SKA3: variants seen among roughly 807,000 people sequenced by gnomAD.
The protein encoded by SKA3 is spindle and kinetochore associated complex subunit 3.
SKA3 carries 39 observed loss-of-function variants against 44.2 expected under a neutral mutation model. That is an observed-to-expected ratio of 0.88 (90% confidence interval 0.68 to 1.15). The LOEUF (loss-of-function observed/expected upper bound fraction) is 1.15. Among genes scored for constraint, SKA3 ranks in the 50% most tolerant of loss-of-function variants. The pLI is 0.00. For synonymous variants in SKA3, 192 were observed against 172.0 expected (o/e 1.12, Z -0.91); for missense variants, 511 against 485.8 (o/e 1.05, Z -0.49).
rs111708667 is a variant in SKA3, at chr13:21,169,538, T to G, written c.332-1139A>C. 2.5e-3 allele frequency among the ~76,000 whole-genome samples: 375 copies of G among 152,246 alleles called. 2 individuals are homozygous for G. Among genetic ancestry groups the G allele is most frequent in the African/African-American group, 8.7e-3 (361 of 41,562 alleles). ...TTCTGTACCTAGCCCGCCTCCAGCATGACCCTATAAAACTTCCCTTCAGCC... is the reference window on the plus strand; with the variant it reads ...TTCTGTACCTAGCCCGCCTCCAGCAGGACCCTATAAAACTTCCCTTCAGCC... On this transcript the variant is annotated intron_variant, in intron 3 of 8. Transcript: ENST00000314759.
chr13:21,154,238 C>G lies in SKA3; in HGVS notation c.*912G>C, dbSNP rs1338787691. 1.3e-5 allele frequency: 2 copies of G among 152,266 alleles called. No individual in the cohort carries two copies. The highest frequency in any genetic ancestry group is 4.1e-4 in the South Asian group (2 of 4,838). The allele number at this position is 152,266 out of a possible 1,614,324, so 9.4% of individuals were successfully genotyped here. A position where few individuals can be genotyped will look rare whatever the true frequency, so the allele number is the denominator to read the frequency against. Reference sequence around the variant, plus strand: ...TAATTTGACAAGTTCTCCAAAAGCACTATCATGAACTTAATTAGATAATAC... The same window carrying G: ...TAATTTGACAAGTTCTCCAAAAGCAGTATCATGAACTTAATTAGATAATAC... On this transcript the variant is annotated 3_prime_UTR_variant, in exon 9 of 9. Transcript: ENST00000314759.
intron 1 of SKA3, among the ~76,000 whole-genome samples, chr13:21,175,389 A>G (rs1355761052): frequency 2.0e-5 from 3 of 150,488 alleles, no homozygotes; most frequent in South Asian, 4.2e-4. Context: ...CCATTCTCCT[A>G]CCTCAGCCTC....
chr13:21,176,453 C>G lies in SKA3; in HGVS notation c.25G>C (p.Gly9Arg). The change falls in exon 1 of 9, where the codon GGG (glycine) becomes CGG (arginine). Residue 9 changes from glycine to arginine, a missense_variant. Gly to Arg is a moderately radical substitution (Grantham distance 125). Transcript: ENST00000314759. MDPIRSFC[G>R]KLRSLASTLD... The stretch of plus-strand genomic sequence containing the variant: ...GTGCTGGCCAGAGACCGCAGCTTCC[C>G]GCAGAAGCTCCGGATAGGGTCCATG... 1 of 1,576,466 alleles carries G rather than the reference C, an allele frequency of 6.3e-7. No individual in the cohort carries two copies. The highest frequency in any genetic ancestry group is 8.6e-7 in the Non-Finnish European group (1 of 1,162,126).
In SKA3 at chr13:21,176,413, G is replaced by A. The variant is rs1410426150; in HGVS notation, c.65C>T (p.Thr22Met). 1.9e-6 allele frequency: 3 copies of A among 1,583,846 alleles called. No homozygotes were observed. Among genetic ancestry groups the A allele is most frequent in the East Asian group, 2.3e-5 (1 of 43,422 alleles). ...GTCCAGCGCTCGCTGCAGCCGGGCC[G>A]TCTCGCAGTCCAGCGTGCTGGCCAG... ...RSLASTLDCE[T>M]ARLQRALDGE... is the part of the protein sequence containing the mutation. The change falls in exon 1 of 9, where the codon ACG becomes ATG. Residue 22 changes from threonine (T) to methionine (M), a missense_variant. Thr to Met is a moderately conservative substitution (Grantham distance 81). Coordinates refer to ENST00000314759, the MANE Select transcript of SKA3 (RefSeq NM_145061.6).
intron 1 of SKA3, among the ~76,000 whole-genome samples, chr13:21,175,063 G>A (rs1433739190): frequency 1.3e-5 from 2 of 152,006 alleles, no homozygotes; most frequent in Non-Finnish European, 2.9e-5. Flanking sequence ...TGCAACCTCC[G>A]CTTCCAGGGT....
At chr13:21,166,641 C>A (rs952920379) in intron 4 of SKA3, among the ~76,000 whole-genome samples, 7 of 152,030 alleles carry the variant, frequency 4.6e-5, no homozygotes, top group Non-Finnish European at 8.8e-5. Flanking sequence ...GGCTGAGGCA[C>A]GAGAATCACT....
At chr13:21,171,092 T>C (rs973331254) in intron 3 of SKA3, among the ~76,000 whole-genome samples, 28 of 152,158 alleles carry the variant, frequency 1.8e-4, no homozygotes, top group Non-Finnish European at 3.8e-4. Context: ...CATGCCCAGC[T>C]AATTTTGTAA....
At chr13:21,176,257 G>C (rs1871512859) in intron 1 of SKA3, 118 bp downstream of exon 1, 2 of 820,166 alleles carry the variant, frequency 2.4e-6, no homozygotes, top group Admixed American at 6.8e-5. Flanking sequence ...GCGCCTCGGT[G>C]GCAGCCGTCC....
rs1171105528 is a variant in SKA3 at position 21,153,600 on chromosome 13, T to A, written c.*1550A>T. 6.6e-6 allele frequency: 1 copy of A among 152,236 alleles called. No homozygotes were observed. Among genetic ancestry groups the A allele is most frequent in the Non-Finnish European group, 1.5e-5 (1 of 68,056 alleles). The allele number at this position is 152,236 out of a possible 1,614,324, so 9.4% of individuals were successfully genotyped here. A position where few individuals can be genotyped will look rare whatever the true frequency, so the allele number is the denominator to read the frequency against. ...GACTTTGCCAAACCCAACAGTCAGT[T>A]CTCAGTCCTCTTTTTATTTGAATTC... On this transcript the variant is annotated 3_prime_UTR_variant, in exon 9 of 9. Coordinates refer to ENST00000314759, the MANE Select transcript of SKA3 (RefSeq NM_145061.6).
rs1871104062 is a variant in SKA3 at position 21,172,389 on chromosome 13, CTT to C, written c.279_280del (p.Ile93MetfsTer10). ...ATATCCATACTTCTGGAAATACTCTCTTATTTTCATAATATCCATTGAATTTT... is the reference window on the plus strand; with the variant it reads ...ATATCCATACTTCTGGAAATACTCTCATTTTCATAATATCCATTGAATTTT... On this transcript the variant is annotated frameshift_variant, in exon 3 of 9. Coordinates refer to ENST00000314759, the MANE Select transcript of SKA3 (RefSeq NM_145061.6). LOFTEE classifies it high-confidence loss of function. The C allele has an allele frequency of 6.3e-7, 1 of 1,587,160 alleles. No homozygotes were observed. The highest frequency in any genetic ancestry group is 1.4e-5 in the African/African-American group (1 of 72,932).
At chr13:21,176,143 C>A (rs1449488870) in intron 1 of SKA3, among the ~76,000 whole-genome samples, 1 of 152,182 alleles carries the variant, frequency 6.6e-6, no homozygotes, top group African/African-American at 2.4e-5. Context: ...GTACATGGGT[C>A]TAAAACGGAC....
intron 1 of SKA3, among the ~76,000 whole-genome samples, chr13:21,173,350 G>A (rs943925606): frequency 2.0e-5 from 3 of 152,108 alleles, no homozygotes; most frequent in East Asian, 1.9e-4. Flanking sequence ...TTCACCTCCC[G>A]GATTCAAGCG....
intron 4 of SKA3, among the ~76,000 whole-genome samples, chr13:21,163,589 CTCTCT>C (rs1394207265): frequency 1.3e-5 from 2 of 152,052 alleles, no homozygotes; most frequent in African/African-American, 4.8e-5. Flanking sequence ...TTGGTATTCT[CTCTCT>C]TAACATTAAT....
At position 21,176,459 on chromosome 13, in the gene SKA3, A is replaced by G. The variant is rs147937345; in HGVS notation, c.19T>C (p.Phe7Leu). The change falls in exon 1 of 9, where the codon TTC becomes CTC. Residue 7 changes from phenylalanine (F) to leucine (L), a missense_variant. Physicochemically the swap from Phe to Leu is conservative, Grantham distance 22. Transcript: ENST00000314759. MDPIRSFCGKLRSLAST... is the reference protein window; with the variant it reads MDPIRSLCGKLRSLAST... ...GCCAGAGACCGCAGCTTCCCGCAGA[A>G]GCTCCGGATAGGGTCCATGCTGAGC... is the stretch of plus-strand genomic sequence containing the variant. 2 of 1,573,132 alleles carry G rather than the reference A, an allele frequency of 1.3e-6. No homozygotes were observed. The highest frequency in any genetic ancestry group is 1.4e-5 in the African/African-American group (1 of 72,324).
intron 3 of SKA3, among the ~76,000 whole-genome samples, chr13:21,170,519 T>A (rs7334901): frequency 3.9e-5 from 6 of 152,144 alleles, no homozygotes; most frequent in South Asian, 2.1e-4. Flanking sequence ...GTTTTAAAAG[T>A]CTTGAGTTTA....
chr13:21,157,379 T>C (rs1436368943), intron 7 of SKA3, among the ~76,000 whole-genome samples: 1 of 152,208 alleles, frequency 6.6e-6, no homozygotes, highest in Non-Finnish European at 1.5e-5. Context: ...GTATAGACTA[T>C]TGCTCCTAGG....
Position 21,153,825 on chromosome 13 carries a change from TAC to T in SKA3, c.*1323_*1324del, listed in dbSNP as rs1462695084. 1 of 152,236 alleles carries T rather than the reference TAC, an allele frequency of 6.6e-6. No individual in the cohort carries two copies. Among genetic ancestry groups the T allele is most frequent in the Admixed American group, 6.5e-5 (1 of 15,284 alleles). The allele number at this position is 152,236 out of a possible 1,614,324, so 9.4% of individuals were successfully genotyped here. A position where few individuals can be genotyped will look rare whatever the true frequency, so the allele number is the denominator to read the frequency against. On this transcript the variant is annotated 3_prime_UTR_variant, in exon 9 of 9. Transcript: ENST00000314759. Reference sequence around the variant, plus strand: ...GTTCTGTGGATTTATATACACACGGTACACAGTGAAAGGCTGGTATACATTTC... The same window carrying T: ...GTTCTGTGGATTTATATACACACGGTACAGTGAAAGGCTGGTATACATTTC...
intron 4 of SKA3, among the ~76,000 whole-genome samples, chr13:21,165,982 C>T (rs906122470): frequency 2.0e-5 from 3 of 151,968 alleles, no homozygotes; most frequent in Non-Finnish European, 4.4e-5. Context: ...TCCTCCAGAA[C>T]ACCATCTATG....
chr13:21,162,913 C>T (rs11843511), intron 4 of SKA3, among the ~76,000 whole-genome samples: 2,079 of 152,078 alleles, frequency 0.014, 42 homozygotes, highest in African/African-American at 0.046. Context: ...CTGGGAGTTG[C>T]GGCACATACC....
Sources: allele counts gnomAD v4.1 joint callset (sites outside exome capture counted in the v4.1 genomes callset), GRCh38; gene constraint gnomAD v4.1.1; transcripts MANE v1.5; gene names NCBI Gene and HGNC (gene_info 2026-07-23, HGNC 2026-07-21).